The following SCN9A variants were observed in gnomAD, a reference collection of about 807,000 sequenced individuals.
SCN9A encodes the protein sodium channel protein type 9 subunit alpha.
Under a neutral mutation model 187.0 loss-of-function variants are expected in SCN9A, and 131 were observed. That is an observed-to-expected ratio of 0.70 (90% CI 0.61 to 0.81). The LOEUF (loss-of-function observed/expected upper bound fraction) is 0.81. Ranked by LOEUF, SCN9A falls within the 30% of genes least tolerant of loss-of-function variation. SCN9A has a pLI of 0.00. For synonymous variants in SCN9A, 809 were observed against 808.6 expected (o/e 1.00, Z -0.01); for missense variants, 2,252 against 2,396.6 (o/e 0.94, Z 1.26).
chr2:166,321,121 C>A (rs377540898), intron 1 of SCN9A, among the ~76,000 whole-genome samples: 1 of 152,044 alleles, frequency 6.6e-6, no homozygotes, highest in South Asian at 2.1e-4. Flanking sequence ...AAATTCAATT[C>A]AAAAAGTAGA....
At chr2:166,325,765 G>C (rs1473319453) in intron 1 of SCN9A, among the ~76,000 whole-genome samples, 1 of 152,040 alleles carries the variant, frequency 6.6e-6, no homozygotes, top group Non-Finnish European at 1.5e-5. Context: ...AAATGTATTT[G>C]ACTCTGAGAT....
intron 24 of SCN9A, among the ~76,000 whole-genome samples, chr2:166,210,621 G>A (rs904433290): frequency 6.6e-6 from 1 of 150,484 alleles, no homozygotes; most frequent in African/African-American, 2.4e-5. Flanking sequence ...TCATTAAGTG[G>A]AACAATATAT....
chr2:166,328,022 G>C (rs1179758319), intron 1 of SCN9A, among the ~76,000 whole-genome samples: 1 of 152,178 alleles, frequency 6.6e-6, no homozygotes, highest in East Asian at 1.9e-4. Flanking sequence ...GAACTTTTAA[G>C]AGTATGAAAT....
rs1558974298 is a variant in SCN9A, at chr2:166,239,221, T to TAA, written c.3628-955_3628-954insTT. ...CTGGGCAACAGAGCAAGACTCTGTC[T>TAA]CAAAAAAAAAAAAAAAAAAAAGGCT... On this transcript the variant is annotated intron_variant, in intron 19 of 26. Transcript: ENST00000642356. Among the ~76,000 whole-genome samples the TAA allele has an allele frequency of 3.8e-5, 5 of 130,076 alleles. 1 individual carries two copies. The highest frequency in any genetic ancestry group is 8.1e-5 in the Non-Finnish European group (5 of 61,860). The allele number at this position is 130,076 out of a possible 152,430, so 85.3% of individuals were successfully genotyped here.
chr2:166,233,186 T>G lies in SCN9A; in HGVS notation c.3924+154A>C, dbSNP rs1695169215. The stretch of plus-strand genomic sequence containing the variant: ...GTATACATATGCATATATACATATA[T>G]GCATATGTATATATGTATATGTACA... On this transcript the variant is annotated intron_variant, in intron 21 of 26. Transcript: ENST00000642356. Among the ~76,000 whole-genome samples the G allele has an allele frequency of 7.6e-5, 6 of 78,560 alleles. No individual in the cohort carries two copies. In the South Asian group the frequency reaches 2.5e-3, roughly 33 times the overall value. 51.5% of individuals were successfully genotyped at this position (78,560 alleles called of 152,430 possible).
At chr2:166,287,458 A>G (rs1260485042) in intron 10 of SCN9A, among the ~76,000 whole-genome samples, 1 of 152,078 alleles carries the variant, frequency 6.6e-6, no homozygotes, top group African/African-American at 2.4e-5. Flanking sequence ...TAATTTTCTT[A>G]GTTATTTTCT....
intron 18 of SCN9A, among the ~76,000 whole-genome samples, chr2:166,245,517 A>G (rs913880965): frequency 3.3e-5 from 5 of 151,982 alleles, no homozygotes; most frequent in Admixed American, 1.3e-4. Context: ...AGCTATGAAC[A>G]TAAGAGGCCC....
chr2:166,251,639 A>T, intron 18 of SCN9A, 126 bp downstream of exon 18: 1 of 973,490 alleles, frequency 1.0e-6, no homozygotes, highest in Non-Finnish European at 1.6e-6. Context: ...TCATACAGCT[A>T]TAGCTGAATC....
intron 1 of SCN9A, among the ~76,000 whole-genome samples, chr2:166,334,490 T>A (rs1574937227): frequency 6.6e-6 from 1 of 152,118 alleles, no homozygotes; most frequent in South Asian, 2.1e-4. Flanking sequence ...AAAATAAGTA[T>A]AATTTTTATG....
At chr2:166,306,916 C>A in intron 3 of SCN9A, 40 bp downstream of exon 3, 1 of 1,159,944 alleles carries the variant, frequency 8.6e-7, no homozygotes, top group South Asian at 1.4e-5. Flanking sequence ...AAAATTACAC[C>A]ATAAAGTGCC....
At chr2:166,333,288 G>C (rs745725339) in intron 1 of SCN9A, among the ~76,000 whole-genome samples, 1 of 152,066 alleles carries the variant, frequency 6.6e-6, no homozygotes, top group South Asian at 2.1e-4. Context: ...TAAAATAAAT[G>C]ATCAGTATGT....
chr2:166,365,210 A>G (rs1700385660), intron 1 of SCN9A, among the ~76,000 whole-genome samples: 1 of 152,210 alleles, frequency 6.6e-6, no homozygotes, highest in African/African-American at 2.4e-5. Context: ...ACAGACAGGA[A>G]GAGAATATAG....
In SCN9A at chr2:166,261,448, C is replaced by T. The variant is rs115597042; in HGVS notation, c.3352-9563G>A. On this transcript the variant is annotated intron_variant, in intron 17 of 26. Transcript: ENST00000642356. ...CTGCTTCGTTCTATTTCTTTCTCTACCTGGGTATTGGATATAAAGCTGTAG... is the reference window on the plus strand; with the variant it reads ...CTGCTTCGTTCTATTTCTTTCTCTATCTGGGTATTGGATATAAAGCTGTAG... Among the ~76,000 whole-genome samples, 454 of 151,910 alleles carry T rather than the reference C, an allele frequency of 3.0e-3. 3 individuals carry two copies. Among genetic ancestry groups the T allele is most frequent in the Middle Eastern group, 0.01 (3 of 294 alleles).
intron 24 of SCN9A, among the ~76,000 whole-genome samples, chr2:166,207,177 A>T (rs550564584): frequency 6.6e-6 from 1 of 152,324 alleles, no homozygotes; most frequent in African/African-American, 2.4e-5. Context: ...AGTATAATCC[A>T]TATAATTAAG....
intron 26 of SCN9A, among the ~76,000 whole-genome samples, chr2:166,201,316 C>T (rs1384259305): frequency 2.7e-5 from 4 of 146,904 alleles, no homozygotes; most frequent in Non-Finnish European, 4.5e-5. Context: ...TACGTATATA[C>T]AGTACATAGT....
intron 7 of SCN9A, chr2:166,302,545 A>G (rs1350462335): frequency 6.6e-6 from 1 of 151,944 alleles, no homozygotes; most frequent in Non-Finnish European, 1.5e-5. Flanking sequence ...TGAGCAAATG[A>G]TTTTGCTTTG....
chr2:166,221,544 G>A (rs557458351), intron 24 of SCN9A, among the ~76,000 whole-genome samples: 2 of 152,134 alleles, frequency 1.3e-5, no homozygotes, highest in South Asian at 4.2e-4. Flanking sequence ...AGGACTATAG[G>A]TGTGTGCCAT....
In SCN9A at chr2:166,375,847, G is replaced by GA. The variant is rs1700676688; in HGVS notation, c.-202_-201insT. The GA allele has an allele frequency of 6.6e-6, 1 of 152,242 alleles. No homozygotes were observed. Among genetic ancestry groups the GA allele is most frequent in the Non-Finnish European group, 1.5e-5 (1 of 68,072 alleles). The allele number at this position is 152,242 out of a possible 1,614,324, so 9.4% of individuals were successfully genotyped here. ...GCTCAGGGGACGCCTGCCGCTAGCA[G>GA]CCACTGGCACCCAGGCTAGCCCAGC... On this transcript the variant is annotated 5_prime_UTR_variant, in exon 1 of 27. Coordinates refer to ENST00000642356, the MANE Select transcript of SCN9A (RefSeq NM_001365536.1).
intron 24 of SCN9A, among the ~76,000 whole-genome samples, chr2:166,225,442 A>G (rs1694805460): frequency 6.6e-6 from 1 of 152,148 alleles, no homozygotes; most frequent in African/African-American, 2.4e-5. Context: ...TAGAGAGTTT[A>G]ATAGAGTACA....
Sources: gnomAD v4.1 joint callset for allele counts (sites outside exome capture counted in the v4.1 genomes callset) on GRCh38, gnomAD v4.1.1 for gene constraint, MANE v1.5 for transcripts, NCBI Gene and HGNC (gene_info 2026-07-23, HGNC 2026-07-21) for gene names.